Variants in NRG3 observed in about 807,000 individuals in gnomAD.
NRG3 encodes the protein neuregulin 3.
Under a neutral mutation model 66.9 loss-of-function variants are expected in NRG3, and 31 were observed. The ratio of observed to expected loss-of-function variants is 0.46; its 90% CI spans 0.35 to 0.63. NRG3 has a LOEUF of 0.63. NRG3 is among the 20% of genes least tolerant of loss of function. The probability of loss-of-function intolerance (pLI) is 0.00; values close to 1 mark genes in which losing one functional copy is unlikely to be tolerated. For missense variants in NRG3, 910 were observed against 878.9 expected, an observed-to-expected ratio of 1.04 and a Z score of -0.45; for synonymous variants, 393 against 359.4, an observed-to-expected ratio of 1.09 and a Z score of -1.06.
At chr10:82,801,866 A>G (rs1451122666) in intron 3 of NRG3, among the ~76,000 whole-genome samples, 2 of 152,166 alleles carry the variant, frequency 1.3e-5, no homozygotes, top group African/African-American at 2.4e-5. Flanking sequence ...GACACATTCA[A>G]TGTAACACTC....
At chr10:82,022,947 G>C (rs890116095) in intron 1 of NRG3, among the ~76,000 whole-genome samples, 1 of 150,684 alleles carries the variant, frequency 6.6e-6, no homozygotes, top group Admixed American at 6.6e-5. Flanking sequence ...ATATATTTAT[G>C]GGGTACATGT....
intron 2 of NRG3, among the ~76,000 whole-genome samples, chr10:82,714,793 A>T (rs2056878335): frequency 6.6e-6 from 1 of 152,218 alleles, no homozygotes; most frequent in Non-Finnish European, 1.5e-5. Flanking sequence ...GTTTGAATGA[A>T]TTTTTCCTTG....
At chr10:82,165,046 T>G (rs1318828053) in intron 1 of NRG3, among the ~76,000 whole-genome samples, 2 of 152,192 alleles carry the variant, frequency 1.3e-5, no homozygotes, top group Non-Finnish European at 1.5e-5. Context: ...TATGTATAGA[T>G]AGACATAAAA....
At chr10:82,059,475 T>G (rs985578750) in intron 1 of NRG3, among the ~76,000 whole-genome samples, 1 of 145,368 alleles carries the variant, frequency 6.9e-6, no homozygotes, top group Non-Finnish European at 1.5e-5. Flanking sequence ...AACTGGTAGA[T>G]TGAGTTAACA....
rs575842746 is a variant in NRG3 at position 82,195,076 on chromosome 10, A to G, written c.824-163663A>G. ...ATTCCTTCCTAGATGTAGGTGGAGC[A>G]AAAAGATAGTGGCCTCTATTTTTTG... is the stretch of plus-strand genomic sequence containing the variant. On this transcript the variant is annotated intron_variant, in intron 1 of 8. Coordinates refer to ENST00000372141, the MANE Select transcript of NRG3 (RefSeq NM_001010848.4). 9.2e-5 allele frequency among the ~76,000 whole-genome samples: 14 copies of G among 152,160 alleles called. No homozygotes were observed. In the East Asian group the frequency reaches 2.5e-3, roughly 27 times the overall value.
At chr10:82,418,016 G>T (rs572060104) in intron 2 of NRG3, among the ~76,000 whole-genome samples, 2 of 152,222 alleles carry the variant, frequency 1.3e-5, no homozygotes, top group Admixed American at 1.3e-4. Context: ...TGAAGTGAAG[G>T]CTTTGAATTG....
intron 2 of NRG3, among the ~76,000 whole-genome samples, chr10:82,609,821 C>G (rs906899210): frequency 1.3e-5 from 2 of 152,088 alleles, no homozygotes; most frequent in African/African-American, 2.4e-5. Flanking sequence ...ATCCCACAAC[C>G]CTTGTATATA....
intron 4 of NRG3, among the ~76,000 whole-genome samples, chr10:82,927,215 A>ATC (rs1173305819): frequency 3.3e-5 from 5 of 152,182 alleles, no homozygotes; most frequent in Admixed American, 6.5e-5. Flanking sequence ...ATAGCCTGAC[A>ATC]GTCTCTTTAT....
rs61640942 is a variant in NRG3, at chr10:81,881,175, G to GT, written c.823+5020dup. 8.9e-3 allele frequency among the ~76,000 whole-genome samples: 1,305 copies of GT among 146,014 alleles called. 28 individuals are homozygous for GT. The highest frequency in any genetic ancestry group is 0.031 in the African/African-American group (1,211 of 39,486). On this transcript the variant is annotated intron_variant, in intron 1 of 8. Coordinates refer to ENST00000372141, the MANE Select transcript of NRG3 (RefSeq NM_001010848.4). Reference sequence around the variant, plus strand: ...CTGAAGGCTCCTTTCAGGCTTTTGTGTTTTTTTTGTGTTTTTTTTTTTTGT... The same window carrying GT: ...CTGAAGGCTCCTTTCAGGCTTTTGTGTTTTTTTTTGTGTTTTTTTTTTTTGT...
intron 2 of NRG3, among the ~76,000 whole-genome samples, chr10:82,711,535 TTG>T (rs10603040): frequency 0.5 from 74,298 of 148,080 alleles, 19,434 homozygotes; most frequent in East Asian, 0.61. Context: ...ATCTGTGTGT[TTG>T]TGTGTGTGTG....
intron 2 of NRG3, among the ~76,000 whole-genome samples, chr10:82,610,243 A>ATTGG (rs1346404683): frequency 1.3e-5 from 2 of 152,172 alleles, no homozygotes; most frequent in Non-Finnish European, 1.5e-5. Context: ...AAGTGACTTG[A>ATTGG]TTGGGACAAG....
chr10:82,733,553 T>C (rs961173026), intron 2 of NRG3, among the ~76,000 whole-genome samples: 1 of 152,200 alleles, frequency 6.6e-6, no homozygotes, highest in African/African-American at 2.4e-5. Flanking sequence ...TCTATGTAGA[T>C]AATCAAGTCC....
At chr10:82,838,401 T>G (rs1455770002) in intron 3 of NRG3, among the ~76,000 whole-genome samples, 1 of 152,170 alleles carries the variant, frequency 6.6e-6, no homozygotes, top group Non-Finnish European at 1.5e-5. Context: ...GAAAATAACA[T>G]TTTTAAACCT....
intron 3 of NRG3, among the ~76,000 whole-genome samples, chr10:82,846,602 G>A (rs182742926): frequency 5.9e-4 from 90 of 152,194 alleles, no homozygotes; most frequent in African/African-American, 1.8e-3. Flanking sequence ...TGAAAAAGCA[G>A]AACAATCAGC....
chr10:82,065,181 G>T (rs191968427), intron 1 of NRG3, among the ~76,000 whole-genome samples: 4 of 151,958 alleles, frequency 2.6e-5, no homozygotes, highest in Non-Finnish European at 5.9e-5. Flanking sequence ...ACATATTTAC[G>T]TAAAACTATG....
intron 2 of NRG3, among the ~76,000 whole-genome samples, chr10:82,655,390 T>TC (rs2051760012): frequency 6.6e-6 from 1 of 152,126 alleles, no homozygotes; most frequent in African/African-American, 2.4e-5. Context: ...AACAATAGGA[T>TC]ATTTTTAAGT....
intron 2 of NRG3, among the ~76,000 whole-genome samples, chr10:82,478,148 T>A (rs190495459): frequency 7.1e-4 from 108 of 152,248 alleles, no homozygotes; most frequent in Non-Finnish European, 1.3e-3. Context: ...GAACCTCTGT[T>A]AACTGGGTGA....
At chr10:82,371,180 G>A (rs2084866428) in intron 2 of NRG3, among the ~76,000 whole-genome samples, 1 of 152,082 alleles carries the variant, frequency 6.6e-6, no homozygotes, top group African/African-American at 2.4e-5. Flanking sequence ...TCATATTTGG[G>A]ATTATAGGGA....
chr10:82,007,390 A>G (rs1163135009), intron 1 of NRG3, among the ~76,000 whole-genome samples: 1 of 151,790 alleles, frequency 6.6e-6, no homozygotes, highest in Non-Finnish European at 1.5e-5. Context: ...TTATATTTTT[A>G]GTAGAGACGG....
Sources: gnomAD v4.1 joint callset for allele counts (sites outside exome capture counted in the v4.1 genomes callset) on GRCh38, gnomAD v4.1.1 for gene constraint, MANE v1.5 for transcripts, NCBI Gene and HGNC (gene_info 2026-07-23, HGNC 2026-07-21) for gene names.